The following CYTH3 variants were observed in gnomAD, a reference collection of about 807,000 sequenced individuals.
CYTH3 encodes the protein cytohesin-3.
CYTH3 carries 23 observed loss-of-function variants against 55.1 expected under a neutral mutation model. The observed-to-expected ratio is 0.42, with a 90% CI of 0.30 to 0.59. The LOEUF is 0.59. Ranked by LOEUF, CYTH3 falls within the 20% of genes least tolerant of loss-of-function variation. The pLI is 0.20. For synonymous variants in CYTH3, 249 were observed against 194.9 expected, an observed-to-expected ratio of 1.28 and a Z score of -2.31; for missense variants, 413 against 524.8, an observed-to-expected ratio of 0.79 and a Z score of 2.08.
chr7:6,269,195 G>A (rs149368157), intron 1 of CYTH3, among the ~76,000 whole-genome samples: 1 of 152,162 alleles, frequency 6.6e-6, no homozygotes, highest in Admixed American at 6.5e-5. Flanking sequence ...GGCAAGAAAC[G>A]GATCTGAGCC....
intron 1 of CYTH3, among the ~76,000 whole-genome samples, chr7:6,246,911 G>A (rs891038321): frequency 1.3e-5 from 2 of 151,426 alleles, no homozygotes; most frequent in South Asian, 2.1e-4. Context: ...CACAAGTTCC[G>A]CATTCTTGAG....
chr7:6,164,573 G>C lies in CYTH3; in HGVS notation c.*371C>G, dbSNP rs375063544. 11 of 263,592 alleles carry C rather than the reference G, an allele frequency of 4.2e-5. No homozygotes were observed. Among genetic ancestry groups the C allele is most frequent in the African/African-American group, 2.5e-4 (11 of 44,648 alleles). The allele number at this position is 263,592 out of a possible 1,614,324, so 16.3% of individuals were successfully genotyped here. ...GGCTCCCGTCTGTGGAATCCGTCCC[G>C]TGTCTGCTGTGGAGACAGCGGAAGC... On this transcript the variant is annotated 3_prime_UTR_variant, in exon 13 of 13. Transcript: ENST00000350796.
At chr7:6,253,767 G>A (rs1398548359) in intron 1 of CYTH3, among the ~76,000 whole-genome samples, 1 of 152,032 alleles carries the variant, frequency 6.6e-6, no homozygotes, top group Non-Finnish European at 1.5e-5. Flanking sequence ...AGTGAGCCGA[G>A]ATCATGAGAC....
At chr7:6,238,950 G>C (rs1016658350) in intron 1 of CYTH3, among the ~76,000 whole-genome samples, 3 of 150,078 alleles carry the variant, frequency 2.0e-5, no homozygotes, top group Admixed American at 1.3e-4. Flanking sequence ...ACACTGGTTA[G>C]CACCTGTAAT....
intron 1 of CYTH3, among the ~76,000 whole-genome samples, chr7:6,235,902 G>A (rs936966128): frequency 6.6e-6 from 1 of 152,142 alleles, no homozygotes; most frequent in Admixed American, 6.5e-5. Context: ...AATCAGTACA[G>A]GGCAGTAGCT....
chr7:6,266,662 T>C (rs907859660), intron 1 of CYTH3, among the ~76,000 whole-genome samples: 8 of 152,176 alleles, frequency 5.3e-5, no homozygotes, highest in African/African-American at 1.4e-4. Context: ...ACTACCCCTA[T>C]AGATTGCACC....
At chr7:6,217,894 G>C (rs538119258) in intron 1 of CYTH3, among the ~76,000 whole-genome samples, 127 of 152,132 alleles carry the variant, frequency 8.3e-4, no homozygotes, top group African/African-American at 2.9e-3. Context: ...AAAAAAAATA[G>C]ATGGAGAGCG....
chr7:6,228,202 G>A (rs1779300402), intron 1 of CYTH3, among the ~76,000 whole-genome samples: 1 of 152,090 alleles, frequency 6.6e-6, no homozygotes, highest in Non-Finnish European at 1.5e-5. Flanking sequence ...CTTTTTTCCA[G>A]TTTCAAAGAG....
rs1782958813 is a variant in CYTH3, at chr7:6,165,261, G to T, written c.1127+12C>A. On this transcript the variant is annotated intron_variant, in intron 12 of 12. Coordinates refer to ENST00000350796, the MANE Select transcript of CYTH3 (RefSeq NM_004227.4). The stretch of plus-strand genomic sequence containing the variant: ...AAGACGGGCCTGGCCCCGCCCCCGA[G>T]GCCCCACTCACTTGATGGATTTCAT... The T allele has an allele frequency of 6.2e-7, 1 of 1,605,072 alleles. No individual in the cohort carries two copies. Among genetic ancestry groups the T allele is most frequent in the African/African-American group, 1.3e-5 (1 of 74,764 alleles).
chr7:6,187,559 T>G (rs1461137802), intron 3 of CYTH3, 98 bp downstream of exon 3: 27 of 1,071,740 alleles, frequency 2.5e-5, no homozygotes, highest in Non-Finnish European at 3.8e-5. Flanking sequence ...GCTCCCCACA[T>G]CCCAACCACT....
chr7:6,246,313 C>G (rs918999133), intron 1 of CYTH3, among the ~76,000 whole-genome samples: 1 of 151,902 alleles, frequency 6.6e-6, no homozygotes, highest in African/African-American at 2.4e-5. Flanking sequence ...AAGTGTTCCT[C>G]CCGCCTCAAC....
chr7:6,199,977 C>T (rs937985789), intron 1 of CYTH3, among the ~76,000 whole-genome samples: 1 of 152,094 alleles, frequency 6.6e-6, no homozygotes, highest in African/African-American at 2.4e-5. Context: ...ACAAAGTGTG[C>T]AATAATATTA....
At chr7:6,272,408 T>TCGGGGGGG in intron 1 of CYTH3, 66 bp downstream of exon 1, 3 of 1,207,016 alleles carry the variant, frequency 2.5e-6, no homozygotes, top group Non-Finnish European at 3.2e-6. Flanking sequence ...CGCCGCGCCC[T>TCGGGGGGG]CGACCCCCAG....
intron 1 of CYTH3, among the ~76,000 whole-genome samples, chr7:6,223,778 C>G (rs936017453): frequency 4.2e-5 from 6 of 143,308 alleles, no homozygotes; most frequent in Non-Finnish European, 7.4e-5. Flanking sequence ...CCACTATTAT[C>G]CTATGACCCT....
chr7:6,269,273 T>G (rs1780590139), intron 1 of CYTH3, among the ~76,000 whole-genome samples: 1 of 152,208 alleles, frequency 6.6e-6, no homozygotes, highest in Admixed American at 6.5e-5. Flanking sequence ...TGAAACGACC[T>G]TGCCGTTCAA....
chr7:6,260,324 A>G (rs1313920551), intron 1 of CYTH3, among the ~76,000 whole-genome samples: 10 of 152,264 alleles, frequency 6.6e-5, no homozygotes, highest in East Asian at 1.9e-4. Flanking sequence ...GAAAATGCAA[A>G]CAGCATTATT....
At chr7:6,248,596 G>A (rs1265250271) in intron 1 of CYTH3, among the ~76,000 whole-genome samples, 1 of 152,212 alleles carries the variant, frequency 6.6e-6, no homozygotes, top group Non-Finnish European at 1.5e-5. Flanking sequence ...AGCCGCGTGT[G>A]TCCTCTGGCC....
At chr7:6,245,767 G>C (rs1482742312) in intron 1 of CYTH3, among the ~76,000 whole-genome samples, 1 of 152,188 alleles carries the variant, frequency 6.6e-6, no homozygotes, top group Non-Finnish European at 1.5e-5. Flanking sequence ...AGCCAGCCAT[G>C]GTAGTGCACG....
intron 4 of CYTH3, among the ~76,000 whole-genome samples, chr7:6,180,934 T>C (rs544924258): frequency 1.3e-5 from 2 of 152,340 alleles, no homozygotes; most frequent in African/African-American, 4.8e-5. Flanking sequence ...GAGCACTGAT[T>C]AGTTAGCACT....
Sources: gnomAD v4.1 joint callset for allele counts (sites outside exome capture counted in the v4.1 genomes callset) on GRCh38, gnomAD v4.1.1 for gene constraint, MANE v1.5 for transcripts, NCBI Gene and HGNC (gene_info 2026-07-23, HGNC 2026-07-21) for gene names.